LCMT2: variants seen among roughly 807,000 people sequenced by gnomAD.
The protein encoded by LCMT2 is tRNA wybutosine-synthesizing protein 4.
In LCMT2, 34 loss-of-function variants were observed where a neutral mutation model predicts 42.0. The ratio of observed to expected loss-of-function variants is 0.81; its 90% confidence interval spans 0.62 to 1.08. LCMT2 has a LOEUF of 1.08. Ranked by LOEUF, LCMT2 falls within the 50% of genes least tolerant of loss-of-function variation. LCMT2 has a pLI of 0.00. For synonymous variants in LCMT2, 445 were observed against 369.5 expected (o/e 1.20, Z -2.34); for missense variants, 1,091 against 889.4 (o/e 1.23, Z -2.88).
chr15:43,330,438 C>T lies in LCMT2; in HGVS notation c.52G>A (p.Asp18Asn), dbSNP rs1229735774. ...GAACGCTTGCTGAGGGCGCTGCTGTCGTTGGTGTTCTGTACCGCGCCTGCC... is the reference window on the plus strand; with the variant it reads ...GAACGCTTGCTGAGGGCGCTGCTGTTGTTGGTGTTCTGTACCGCGCCTGCC... ...RRAGAVQNTN[D>N]SSALSKRSLA... The change falls in exon 1 of 1, where the codon GAC becomes AAC. Residue 18 changes from aspartate to asparagine, a missense_variant. By Grantham distance (23) the Asp-to-Asn change is conservative. Coordinates refer to ENST00000305641, the MANE Select transcript of LCMT2 (RefSeq NM_014793.5). The T allele has an allele frequency of 1.9e-6, 3 of 1,553,888 alleles. No homozygotes were observed. The African/African-American group carries it at 4.2e-5, about 22-fold the overall frequency.
At position 43,328,326 on chromosome 15, in the gene LCMT2, G is replaced by A; in HGVS notation, c.*103C>T. The stretch of plus-strand genomic sequence containing the variant: ...ACTGAATAGTGCTAAGGGAAAAAAA[G>A]GATGGGGAAAGGAGGAGTGGCAGTA... On this transcript the variant is annotated 3_prime_UTR_variant, in exon 1 of 1. Coordinates refer to ENST00000305641, the MANE Select transcript of LCMT2 (RefSeq NM_014793.5). 7.8e-7 allele frequency: 1 copy of A among 1,275,744 alleles called. No individual in the cohort carries two copies. The allele number at this position is 1,275,744 out of a possible 1,614,324, so 79.0% of individuals were successfully genotyped here.
At position 43,330,315 on chromosome 15, in the gene LCMT2, G is replaced by T. The variant is rs771814794; in HGVS notation, c.175C>A (p.Arg59Ser). The T allele has an allele frequency of 3.1e-6, 5 of 1,594,056 alleles. No individual in the cohort carries two copies. Among genetic ancestry groups the T allele is most frequent in the South Asian group, 1.1e-5 (1 of 89,584 alleles). ...APLIHRGYYV[R>S]ARAVRHCVRA... Reference sequence around the variant, plus strand: ...ACGCAGTGCCTCACGGCGCGTGCGCGGACGTAGTAGCCTCGGTGAATGAGC... The same window carrying T: ...ACGCAGTGCCTCACGGCGCGTGCGCTGACGTAGTAGCCTCGGTGAATGAGC... Residue 59 changes from arginine to serine, a missense_variant, in exon 1 of 1, where the codon CGC becomes AGC. Arg to Ser is a moderately radical substitution (Grantham distance 110). Coordinates refer to ENST00000305641, the MANE Select transcript of LCMT2 (RefSeq NM_014793.5).
Position 43,329,498 on chromosome 15 carries a change from CGAGGA to C in LCMT2, c.987_991del (p.Phe329LeufsTer18), listed in dbSNP as rs1566855754. The C allele has an allele frequency of 3.7e-6, 6 of 1,614,160 alleles. No individual in the cohort carries two copies. In the Admixed American group the frequency reaches 6.7e-5, roughly 18 times the overall value. On this transcript the variant is annotated frameshift_variant, in exon 1 of 1. Coordinates refer to ENST00000305641, the MANE Select transcript of LCMT2 (RefSeq NM_014793.5). LOFTEE classifies it high-confidence loss of function. ...CCCTGAAGGCGAAGCAGGATTTACG[CGAGGA>C]AATGCCTCTGAGGATGGAAACACTA...
Position 43,329,460 on chromosome 15 carries a change from T to C in LCMT2, c.1030A>G (p.Ser344Gly), listed in dbSNP as rs1355690784. ...ACCTGGCCCTCGCTACTGACTACGC[T>C]GGCAGGGAATACCCCTGAAGGCGAA... ...PASPSGVFPA[S>G]VVSSEGQVPN... Residue 344 changes from serine (S) to glycine (G), a missense_variant, in exon 1 of 1, where the codon AGC (serine) becomes GGC (glycine). Ser to Gly is a moderately conservative substitution (Grantham distance 56). Coordinates refer to ENST00000305641, the MANE Select transcript of LCMT2 (RefSeq NM_014793.5). 2 of 1,614,028 alleles carry C rather than the reference T, an allele frequency of 1.2e-6. No homozygotes were observed.
chr15:43,330,168 C>T lies in LCMT2; in HGVS notation c.322G>A (p.Ala108Thr). The change falls in exon 1 of 1, where the codon GCT becomes ACT. Residue 108 changes from alanine to threonine, a missense_variant. By Grantham distance (58) the Ala-to-Thr change is moderately conservative. Coordinates refer to ENST00000305641, the MANE Select transcript of LCMT2 (RefSeq NM_014793.5). ...RLKTAGRLAR[A>T]AVWEVDFPDV... The stretch of plus-strand genomic sequence containing the variant: ...GGAAAATCCACCTCCCAGACTGCAG[C>T]CCGGGCCAGGCGGCCCGCGGTTTTT... The T allele has an allele frequency of 6.2e-7, 1 of 1,611,762 alleles. No homozygotes were observed. The highest frequency in any genetic ancestry group is 8.5e-7 in the Non-Finnish European group (1 of 1,179,874).
rs751141854 is a variant in LCMT2 at position 43,328,818 on chromosome 15, G to A, written c.1672C>T (p.Pro558Ser). The A allele has an allele frequency of 2.5e-6, 4 of 1,613,320 alleles. No individual in the cohort carries two copies. Among genetic ancestry groups the A allele is most frequent in the East Asian group, 2.2e-5 (1 of 44,890 alleles). The change falls in exon 1 of 1, where the codon CCA becomes TCA. Residue 558 changes from proline to serine, a missense_variant. Transcript: ENST00000305641. ...CTCAGAAAGAGCACAGAGTTCAATG[G>A]CTCCTCAGAAGCCCCGAGACCTCCA... ...IAGGLGASEEPLNSVLFLRPI... is the reference protein window; with the variant it reads ...IAGGLGASEESLNSVLFLRPI...
At position 43,325,538 on chromosome 15, in the gene LCMT2, C is replaced by T. The variant is rs2043113127; in HGVS notation, c.*2891G>A. 1 of 152,146 alleles carries T rather than the reference C, an allele frequency of 6.6e-6. No homozygotes were observed. Among genetic ancestry groups the T allele is most frequent in the Non-Finnish European group, 1.5e-5 (1 of 68,028 alleles). The allele number at this position is 152,146 out of a possible 1,614,324, so 9.4% of individuals were successfully genotyped here. ...TGCTCAGTTAGAGGTGGAGGGCATG[C>T]TTAATCTGGTAATCACTTATAGGAA... On this transcript the variant is annotated 3_prime_UTR_variant, in exon 1 of 1. Coordinates refer to ENST00000305641, the MANE Select transcript of LCMT2 (RefSeq NM_014793.5).
In LCMT2 at chr15:43,329,783, C is replaced by G; in HGVS notation, c.707G>C (p.Arg236Pro). The change falls in exon 1 of 1, where the codon CGG (arginine) becomes CCG (proline). Residue 236 changes from arginine to proline, a missense_variant. Arg to Pro is a moderately radical substitution (Grantham distance 103). Coordinates refer to ENST00000305641, the MANE Select transcript of LCMT2 (RefSeq NM_014793.5). ...GCCATGCAGGGGGGAGTTTAGCTGC[C>G]GAAAATGTTGCAGCATGAACTGGCC... ...AFGQFMLQHF[R>P]QLNSPLHGLE... The G allele has an allele frequency of 1.2e-6, 2 of 1,613,814 alleles. No individual in the cohort carries two copies. The highest frequency in any genetic ancestry group is 8.5e-7 in the Non-Finnish European group (1 of 1,180,032).
chr15:43,330,445 G>A lies in LCMT2; in HGVS notation c.45C>T (p.Asn15=). The A allele has an allele frequency of 6.5e-7, 1 of 1,542,578 alleles. No homozygotes were observed. Among genetic ancestry groups the A allele is most frequent in the Non-Finnish European group, 8.7e-7 (1 of 1,151,298 alleles). The part of the protein sequence containing the change: ...SRERRAGAVQ[N]TNDSSALSKR... ...TGCTGAGGGCGCTGCTGTCGTTGGT[G>A]TTCTGTACCGCGCCTGCCCGACGCT... The change falls in exon 1 of 1, where the codon AAC becomes AAT. Residue 15 remains asparagine, a synonymous_variant. Transcript: ENST00000305641.
rs1177540547 is a variant in LCMT2 at position 43,329,744 on chromosome 15, G to C, written c.746C>G (p.Pro249Arg). The C allele has an allele frequency of 6.2e-7, 1 of 1,613,614 alleles. No individual in the cohort carries two copies. The highest frequency in any genetic ancestry group is 1.3e-5 in the African/African-American group (1 of 75,074). The change falls in exon 1 of 1, where the codon CCT (proline) becomes CGT (arginine). Residue 249 changes from proline to arginine, a missense_variant. Pro to Arg is a moderately radical substitution (Grantham distance 103). Coordinates refer to ENST00000305641, the MANE Select transcript of LCMT2 (RefSeq NM_014793.5). ...GCGGCGCCGCTGCGCCTCCACGTCA[G>C]GAAAACGCTCCAGGCCATGCAGGGG... ...NSPLHGLERF[P>R]DVEAQRRRFL... is the part of the protein sequence containing the mutation.
chr15:43,329,578 G>A lies in LCMT2; in HGVS notation c.912C>T (p.Ala304=). 1.2e-6 allele frequency: 2 copies of A among 1,614,100 alleles called. No homozygotes were observed. Among genetic ancestry groups the A allele is most frequent in the Non-Finnish European group, 1.7e-6 (2 of 1,179,960 alleles). ...TAGAAGCTGCCAGAATGAAATAATG[G>A]GCGCACTTCAGATGCCACTCCTCAA... The part of the protein sequence containing the change: ...DEFEEWHLKC[A]HYFILAASRG... Residue 304 remains alanine (A), a synonymous_variant, in exon 1 of 1, where the codon GCC becomes GCT. Transcript: ENST00000305641.
Position 43,328,854 on chromosome 15 carries a change from C to A in LCMT2, c.1636G>T (p.Ala546Ser), listed in dbSNP as rs900615736. 3.7e-6 allele frequency: 6 copies of A among 1,613,758 alleles called. No homozygotes were observed. The highest frequency in any genetic ancestry group is 2.2e-5 in the East Asian group (1 of 44,882). ...GCCCCGAGACCTCCAGCAATAAGGG[C>A]TCCCCCTTGCCAAGTGCAGGCACTG... The part of the protein sequence containing the change: ...SHSACTWQGG[A>S]LIAGGLGASE... The change falls in exon 1 of 1, where the codon GCC becomes TCC. Residue 546 changes from alanine to serine, a missense_variant. Transcript: ENST00000305641.
rs148769175 is a variant in LCMT2 at position 43,329,054 on chromosome 15, C to G, written c.1436G>C (p.Cys479Ser). 2.1e-5 allele frequency: 34 copies of G among 1,614,062 alleles called. No homozygotes were observed. Among genetic ancestry groups the G allele is most frequent in the Non-Finnish European group, 2.9e-5 (34 of 1,180,048 alleles). ...AGRKDDSTLC[C>S]WRHSTTEVSC... is the part of the protein sequence containing the mutation. ...CACTTCTGTTGTTGAATGCCGCCAA[C>G]AACACAAAGTGGAATCATCCTTTCG... The change falls in exon 1 of 1, where the codon TGT becomes TCT. Residue 479 changes from cysteine (C) to serine (S), a missense_variant. Transcript: ENST00000305641.
rs746564112 is a variant in LCMT2 at position 43,329,971 on chromosome 15, G to A, written c.519C>T (p.Gly173=). Residue 173 remains glycine, a synonymous_variant, in exon 1 of 1, where the codon GGC becomes GGT. Transcript: ENST00000305641. ...GTGAGGCTGCGTCGAGCCCCGCGGC[G>A]CCCAGGGCCTCCTCCACTCGCTGGA... ...RQLQRVEEAL[G]AAGLDAASPT... 6.2e-7 allele frequency: 1 copy of A among 1,612,392 alleles called. No homozygotes were observed. Among genetic ancestry groups the A allele is most frequent in the South Asian group, 1.1e-5 (1 of 91,078 alleles).
In LCMT2 at chr15:43,328,318, GA is replaced by G. The variant is rs1299475053; in HGVS notation, c.*110del. 3.8e-5 allele frequency: 47 copies of G among 1,224,748 alleles called. No individual in the cohort carries two copies. Among genetic ancestry groups the G allele is most frequent in the Admixed American group, 9.1e-5 (4 of 43,906 alleles). 75.9% of individuals were successfully genotyped at this position (1,224,748 alleles called of 1,614,324 possible). A position where few individuals can be genotyped will look rare whatever the true frequency, so the allele number is the denominator to read the frequency against. ...CTTTTTGCACTGAATAGTGCTAAGG[GA>G]AAAAAAGGATGGGGAAAGGAGGAGT... On this transcript the variant is annotated 3_prime_UTR_variant, in exon 1 of 1. Transcript: ENST00000305641.
rs772820668 is a variant in LCMT2, at chr15:43,329,655, G to T, written c.835C>A (p.Leu279Ile). 1.9e-6 allele frequency: 3 copies of T among 1,613,766 alleles called. No homozygotes were observed. Among genetic ancestry groups the T allele is most frequent in the East Asian group, 4.5e-5 (2 of 44,892 alleles). ...VDMNEFYHCF[L>I]PAEERRRVEN... ...ACCCGCCGGCGTTCTTCTGCGGGAA[G>T]AAAGCAGTGATAGAATTCATTCATG... The change falls in exon 1 of 1, where the codon CTT becomes ATT. Residue 279 changes from leucine (L) to isoleucine (I), a missense_variant. Transcript: ENST00000305641.
At position 43,330,347 on chromosome 15, in the gene LCMT2, C is replaced by T. The variant is rs752919739; in HGVS notation, c.143G>A (p.Arg48His). ...AALLVPGAAR[R>H]APLIHRGYYV... ...GTAGCCTCGGTGAATGAGCGGTGCGCGGCGCGCCGCGCCCGGAACCAGCAA... is the reference window on the plus strand; with the variant it reads ...GTAGCCTCGGTGAATGAGCGGTGCGTGGCGCGCCGCGCCCGGAACCAGCAA... The change falls in exon 1 of 1, where the codon CGC becomes CAC. Residue 48 changes from arginine to histidine, a missense_variant. By Grantham distance (29) the Arg-to-His change is conservative. Transcript: ENST00000305641. 5 of 1,601,746 alleles carry T rather than the reference C, an allele frequency of 3.1e-6. No homozygotes were observed. The East Asian group carries it at 6.7e-5, about 22-fold the overall frequency.
At position 43,330,454 on chromosome 15, in the gene LCMT2, C is replaced by A. The variant is rs776841082; in HGVS notation, c.36G>T (p.Ala12=). Residue 12 remains alanine, a synonymous_variant, in exon 1 of 1, where the codon GCG becomes GCT. Coordinates refer to ENST00000305641, the MANE Select transcript of LCMT2 (RefSeq NM_014793.5). ...CGCTGCTGTCGTTGGTGTTCTGTAC[C>A]GCGCCTGCCCGACGCTCACGGCTCC... ...GPRSRERRAG[A]VQNTNDSSAL... is the part of the protein sequence containing the mutation. 5 of 1,530,218 alleles carry A rather than the reference C, an allele frequency of 3.3e-6. No homozygotes were observed. In the Admixed American group the frequency reaches 1.1e-4, roughly 35 times the overall value. The allele number at this position is 1,530,218 out of a possible 1,614,324, so 94.8% of individuals were successfully genotyped here. A position where few individuals can be genotyped will look rare whatever the true frequency, so the allele number is the denominator to read the frequency against.
Position 43,329,903 on chromosome 15 carries a change from G to A in LCMT2, c.587C>T (p.Pro196Leu), listed in dbSNP as rs1164721881. ...GGCGATGAGGGCCGCGGCACTCTCC[G>A]GCTCGAGGTAGGTCAGCACCGCCTC... ...LAEAVLTYLE[P>L]ESAAALIAWA... is the part of the protein sequence containing the mutation. The change falls in exon 1 of 1, where the codon CCG (proline) becomes CTG (leucine). Residue 196 changes from proline (P) to leucine (L), a missense_variant. Coordinates refer to ENST00000305641, the MANE Select transcript of LCMT2 (RefSeq NM_014793.5). 1.9e-6 allele frequency: 3 copies of A among 1,613,094 alleles called. No individual in the cohort carries two copies. The highest frequency in any genetic ancestry group is 2.2e-5 in the East Asian group (1 of 44,868).
Sources: allele counts gnomAD v4.1 joint callset, GRCh38; gene constraint gnomAD v4.1.1; transcripts MANE v1.5; gene names NCBI Gene and HGNC (gene_info 2026-07-23, HGNC 2026-07-21).